Variants in IQSEC1 observed in about 807,000 individuals in gnomAD.
IQSEC1 encodes the protein IQ motif and Sec7 domain ArfGEF 1, also known as IQ motif and SEC7 domain-containing protein 1.
IQSEC1 carries 31 observed loss-of-function variants against 91.0 expected under a neutral mutation model. The observed-to-expected ratio is 0.34, with a 90% confidence interval of 0.26 to 0.46. The LOEUF (loss-of-function observed/expected upper bound fraction) is 0.46, where lower values mean the gene tolerates loss of function less well. Ranked by LOEUF, IQSEC1 falls within the 20% of genes least tolerant of loss-of-function variation. The probability of loss-of-function intolerance (pLI) is 1.00; values close to 1 mark genes in which losing one functional copy is unlikely to be tolerated. For synonymous variants in IQSEC1, 699 were observed against 662.6 expected (o/e 1.05, Z -0.84); for missense variants, 1,388 against 1,575.6 (o/e 0.88, Z 2.02).
At chr3:13,227,862 A>G (rs2125084928) in intron 1 of IQSEC1, among the ~76,000 whole-genome samples, 1 of 152,322 alleles carries the variant, frequency 6.6e-6, no homozygotes, top group South Asian at 2.1e-4. Context: ...TTGGAGCTGC[A>G]GGAGGCAGGC....
chr3:13,209,799 G>A (rs1694410928), intron 1 of IQSEC1, among the ~76,000 whole-genome samples: 1 of 152,192 alleles, frequency 6.6e-6, no homozygotes, highest in Admixed American at 6.5e-5. Context: ...TCTGGATGCT[G>A]CTGTGCGTGC....
At chr3:13,182,233 T>C (rs1385692824) in intron 1 of IQSEC1, among the ~76,000 whole-genome samples, 1 of 152,232 alleles carries the variant, frequency 6.6e-6, no homozygotes, top group East Asian at 1.9e-4. Context: ...GGTATCTATA[T>C]CTGACAATTT....
At chr3:13,136,799 G>A (rs138646191) in intron 2 of IQSEC1, among the ~76,000 whole-genome samples, 10 of 152,228 alleles carry the variant, frequency 6.6e-5, no homozygotes, top group African/African-American at 2.2e-4. Context: ...GGTGGAATAC[G>A]GAAGTACTGG....
In IQSEC1 at chr3:12,935,569, C is replaced by G. The variant is rs766974740; in HGVS notation, c.1447G>C (p.Glu483Gln). The change falls in exon 3 of 14, where the codon GAG becomes CAG. Residue 483 changes from glutamate to glutamine, a missense_variant. By Grantham distance (29) the Glu-to-Gln change is conservative. Transcript: ENST00000613206. This position sits in a 1 kb window ranked among gnomAD's most constrained non-coding sequence, Gnocchi z 8.0. ...TAGGTCTGCTTGCTGAGCGTCTGCT[C>G]CCGCAGGCTGTCACGGGACGATGAC... The part of the protein sequence containing the change: ...SESSSRDSLR[E>Q]QTLSKQTYHK... 1 of 1,614,080 alleles carries G rather than the reference C, an allele frequency of 6.2e-7. No homozygotes were observed. Among genetic ancestry groups the G allele is most frequent in the South Asian group, 1.1e-5 (1 of 91,082 alleles).
At chr3:13,218,229 C>T (rs1336577631) in intron 1 of IQSEC1, among the ~76,000 whole-genome samples, 1 of 152,198 alleles carries the variant, frequency 6.6e-6, no homozygotes, top group Admixed American at 6.5e-5. Context: ...TGTGCGAGGC[C>T]TGGGGCAAGG....
rs764066327 is a variant in IQSEC1, at chr3:12,935,651, G to A, written c.1365C>T (p.Asp455=). Reference sequence around the variant, plus strand: ...TGGACGTGCTGTTGATGCTGTCATTGTCACCGTCTGAGTAGTCCGACTCAG... The same window carrying A: ...TGGACGTGCTGTTGATGCTGTCATTATCACCGTCTGAGTAGTCCGACTCAG... The part of the protein sequence containing the change: ...SKSESDYSDG[D]NDSINSTSNS... The change falls in exon 3 of 14, where the codon GAC becomes GAT. Residue 455 remains aspartate, a synonymous_variant. Transcript: ENST00000613206. This position sits in a 1 kb window ranked among gnomAD's most constrained non-coding sequence, Gnocchi z 8.0. 8.1e-6 allele frequency: 13 copies of A among 1,613,962 alleles called. No homozygotes were observed. In the Admixed American group the frequency reaches 2.0e-4, roughly 25 times the overall value.
intron 1 of IQSEC1, among the ~76,000 whole-genome samples, chr3:13,010,319 T>C (rs1486447421): frequency 6.6e-6 from 1 of 152,164 alleles, no homozygotes; most frequent in Non-Finnish European, 1.5e-5. Context: ...TCCATCTAAT[T>C]TGGGTCAGCT....
intron 1 of IQSEC1, chr3:13,015,429 C>T: frequency 2.5e-6 from 1 of 402,924 alleles, no homozygotes; most frequent in Non-Finnish European, 3.4e-6. Context: ...AGAAACGGGT[C>T]ACAGAATACA....
chr3:13,029,897 TCTG>T (rs1323113820), intron 1 of IQSEC1, among the ~76,000 whole-genome samples: 1 of 152,200 alleles, frequency 6.6e-6, no homozygotes, highest in Non-Finnish European at 1.5e-5. Flanking sequence ...TAGAGGTAAG[TCTG>T]CTGCCTGAAC....
At chr3:13,061,071 G>C (rs1705050614) in intron 1 of IQSEC1, among the ~76,000 whole-genome samples, 1 of 152,130 alleles carries the variant, frequency 6.6e-6, no homozygotes. Flanking sequence ...ATTAATTCCA[G>C]CCACAGAATC....
intron 1 of IQSEC1, among the ~76,000 whole-genome samples, chr3:13,171,649 A>G (rs1693617594): frequency 6.6e-6 from 1 of 152,194 alleles, no homozygotes; most frequent in Admixed American, 6.5e-5. Flanking sequence ...TTTCTTCCCT[A>G]TTCCTGATGA....
intron 2 of IQSEC1, among the ~76,000 whole-genome samples, chr3:13,082,025 C>T (rs62232929): frequency 6.6e-6 from 1 of 152,202 alleles, no homozygotes; most frequent in Non-Finnish European, 1.5e-5. Flanking sequence ...GCAGGCTGTG[C>T]ACTACCCAAC....
rs567939375 is a variant in IQSEC1, at chr3:13,182,213, C to T, written c.273-18080G>A. On this transcript the variant is annotated intron_variant, in intron 1 of 15. Transcript: ENST00000648114. ...GGCTTTGTTTGCCCAGCATCCATTCCCCATTTTCTGGTATCTATATCTGAC... is the reference window on the plus strand; with the variant it reads ...GGCTTTGTTTGCCCAGCATCCATTCTCCATTTTCTGGTATCTATATCTGAC... Among the ~76,000 whole-genome samples, 5 of 152,294 alleles carry T rather than the reference C, an allele frequency of 3.3e-5. No homozygotes were observed. In the South Asian group the frequency reaches 1.0e-3, roughly 32 times the overall value.
At chr3:13,026,790 G>C (rs1703628676) in intron 1 of IQSEC1, among the ~76,000 whole-genome samples, 1 of 151,096 alleles carries the variant, frequency 6.6e-6, no homozygotes, top group South Asian at 2.1e-4. Context: ...GAGCTCACAT[G>C]AGCAGGTGAG....
chr3:13,182,193 T>C (rs1693856186), intron 1 of IQSEC1, among the ~76,000 whole-genome samples: 1 of 152,240 alleles, frequency 6.6e-6, no homozygotes, highest in South Asian at 2.1e-4. Context: ...GTATTGGCTT[T>C]GTTTGCCCAG....
intron 1 of IQSEC1, among the ~76,000 whole-genome samples, chr3:13,245,765 T>TAAA (rs1559285414): frequency 1.9e-5 from 2 of 106,576 alleles, no homozygotes; most frequent in African/African-American, 1.2e-4. Flanking sequence ...AGACCCTGTT[T>TAAA]CAAAAAAAAA....
At chr3:13,100,741 C>T (rs1392213034) in intron 2 of IQSEC1, among the ~76,000 whole-genome samples, 1 of 149,020 alleles carries the variant, frequency 6.7e-6, no homozygotes, top group Admixed American at 6.7e-5. Context: ...TCGATTAATT[C>T]TACAAATGTT....
intron 2 of IQSEC1, among the ~76,000 whole-genome samples, chr3:13,149,266 G>A (rs948710890): frequency 2.0e-5 from 3 of 152,268 alleles, no homozygotes; most frequent in Admixed American, 2.0e-4. Context: ...ATTCCCAAGG[G>A]CCAGGCTTGC....
intron 1 of IQSEC1, among the ~76,000 whole-genome samples, chr3:13,228,198 G>A (rs1490487188): frequency 2.6e-5 from 4 of 152,274 alleles, no homozygotes; most frequent in South Asian, 2.1e-4. Context: ...AGCTGATGAC[G>A]CGAGCTAAGA....
Sources: allele counts gnomAD v4.1 joint callset (sites outside exome capture counted in the v4.1 genomes callset), GRCh38; gene constraint gnomAD v4.1.1; non-coding constraint Gnocchi (gnomAD v3.1); transcripts MANE v1.5; gene names NCBI Gene and HGNC (gene_info 2026-07-23, HGNC 2026-07-21).